SLCO5A1: variants seen among roughly 807,000 people sequenced by gnomAD.
SLCO5A1 encodes solute carrier organic anion transporter family member 5A1.
A neutral mutation model predicts 65.1 loss-of-function variants in SLCO5A1; 39 were observed. That is an observed-to-expected ratio of 0.60 (90% CI 0.46 to 0.78). SLCO5A1 has a LOEUF of 0.78. SLCO5A1 is among the 30% of genes least tolerant of loss of function. SLCO5A1 has a pLI of 0.00. For missense variants in SLCO5A1, 1,029 were observed against 1,069.4 expected (o/e 0.96, Z 0.53); for synonymous variants, 438 against 415.7 (o/e 1.05, Z -0.65).
At chr8:69,829,813 C>T (rs1821083190) in intron 2 of SLCO5A1, among the ~76,000 whole-genome samples, 4 of 152,056 alleles carry the variant, frequency 2.6e-5, no homozygotes, top group Admixed American at 2.6e-4. Context: ...AAAAGAATAC[C>T]CTCATTTTTA....
At chr8:69,784,013 G>A (rs1818909798) in intron 2 of SLCO5A1, among the ~76,000 whole-genome samples, 2 of 152,072 alleles carry the variant, frequency 1.3e-5, no homozygotes, top group South Asian at 4.1e-4. Context: ...GAATACACGG[G>A]AAATCTTTGT....
At chr8:69,785,207 A>G (rs1039310456) in intron 2 of SLCO5A1, among the ~76,000 whole-genome samples, 4 of 152,220 alleles carry the variant, frequency 2.6e-5, no homozygotes, top group Admixed American at 2.6e-4. Flanking sequence ...GCTAGAGAGC[A>G]TCTCAAGTGG....
At chr8:69,688,736 A>G (rs999879362) in intron 6 of SLCO5A1, among the ~76,000 whole-genome samples, 20 of 152,254 alleles carry the variant, frequency 1.3e-4, no homozygotes, top group Non-Finnish European at 2.1e-4. Context: ...CCAGTCTATC[A>G]TTGTTGGACA....
chr8:69,706,653 C>T lies in SLCO5A1; in HGVS notation c.1424-1424G>A, dbSNP rs1018917912. Among the ~76,000 whole-genome samples the T allele has an allele frequency of 4.6e-5, 7 of 152,188 alleles. No individual in the cohort carries two copies. The South Asian group carries it at 6.2e-4, about 14-fold the overall frequency. On this transcript the variant is annotated intron_variant, in intron 5 of 9. Coordinates refer to ENST00000260126, the MANE Select transcript of SLCO5A1 (RefSeq NM_030958.3). Reference sequence around the variant, plus strand: ...AGAAATTGGGCCCTCCTTCACCACACGGGGCCAGGGCCTTGTTGTTGGACT... The same window carrying T: ...AGAAATTGGGCCCTCCTTCACCACATGGGGCCAGGGCCTTGTTGTTGGACT...
chr8:69,767,241 C>A (rs149479327), intron 2 of SLCO5A1, among the ~76,000 whole-genome samples: 2 of 152,156 alleles, frequency 1.3e-5, no homozygotes, highest in Admixed American at 1.3e-4. Flanking sequence ...TCTGAGAGCA[C>A]GCTAAATCAT....
chr8:69,750,364 A>G (rs997016655), intron 4 of SLCO5A1, among the ~76,000 whole-genome samples: 1 of 152,054 alleles, frequency 6.6e-6, no homozygotes, highest in African/African-American at 2.4e-5. Context: ...CCTTCCTGAC[A>G]ATCTGCTCCT....
At chr8:69,715,155 T>C (rs1815452679) in intron 5 of SLCO5A1, among the ~76,000 whole-genome samples, 2 of 152,134 alleles carry the variant, frequency 1.3e-5, no homozygotes, top group Admixed American at 1.3e-4. Context: ...AACGATGAAA[T>C]GCAAAAATCA....
At chr8:69,771,698 A>T (rs1451515427) in intron 2 of SLCO5A1, among the ~76,000 whole-genome samples, 3 of 152,126 alleles carry the variant, frequency 2.0e-5, no homozygotes, top group Non-Finnish European at 2.9e-5. Context: ...GGTCTCTGTC[A>T]CTGCTGCCCC....
At chr8:69,774,932 T>C (rs557551438) in intron 2 of SLCO5A1, among the ~76,000 whole-genome samples, 8 of 152,392 alleles carry the variant, frequency 5.2e-5, no homozygotes, top group African/African-American at 1.9e-4. Flanking sequence ...GAGCACTGTA[T>C]TTAAAGAAAA....
At chr8:69,779,833 T>C (rs80289965) in intron 2 of SLCO5A1, among the ~76,000 whole-genome samples, 2,286 of 152,194 alleles carry the variant, frequency 0.015, 51 homozygotes, top group African/African-American at 0.049. Context: ...AAAGCTTCTG[T>C]ACAGCAAAAG....
chr8:69,695,067 G>A (rs1205082122), intron 6 of SLCO5A1, among the ~76,000 whole-genome samples: 2 of 152,160 alleles, frequency 1.3e-5, no homozygotes, highest in African/African-American at 2.4e-5. Flanking sequence ...AGAAAGGAAG[G>A]GAGTAGAGAT....
intron 6 of SLCO5A1, among the ~76,000 whole-genome samples, chr8:69,703,919 G>A (rs1814854936): frequency 6.6e-6 from 1 of 152,134 alleles, no homozygotes. Flanking sequence ...TATTCTACCT[G>A]TATGATAGAA....
At chr8:69,822,351 A>G (rs1820683957) in intron 2 of SLCO5A1, among the ~76,000 whole-genome samples, 1 of 152,164 alleles carries the variant, frequency 6.6e-6, no homozygotes, top group East Asian at 1.9e-4. Context: ...ATGTTCATAC[A>G]TTAAAGAAAG....
intron 4 of SLCO5A1, among the ~76,000 whole-genome samples, chr8:69,738,708 A>G (rs1462883567): frequency 6.6e-6 from 1 of 152,208 alleles, no homozygotes; most frequent in Non-Finnish European, 1.5e-5. Flanking sequence ...ATTATGAAAC[A>G]GGAAATAGTC....
rs1395753888 is a variant in SLCO5A1 at position 69,700,641 on chromosome 8, C to T, written c.1622+4390G>A. On this transcript the variant is annotated intron_variant, in intron 6 of 9. Transcript: ENST00000260126. ...GAAATACTAGTAATAAAAGGAAGCTCCCAGGAAGGAAAAATACATCTCATA... is the reference window on the plus strand; with the variant it reads ...GAAATACTAGTAATAAAAGGAAGCTTCCAGGAAGGAAAAATACATCTCATA... 5 of 152,004 alleles carry T rather than the reference C, an allele frequency of 3.3e-5. No homozygotes were observed. In the South Asian group the frequency reaches 1.0e-3, roughly 32 times the overall value. The allele number at this position is 152,004 out of a possible 1,614,324, so 9.4% of individuals were successfully genotyped here. A position where few individuals can be genotyped will look rare whatever the true frequency, so the allele number is the denominator to read the frequency against.
chr8:69,817,668 C>T (rs536008070), intron 2 of SLCO5A1, among the ~76,000 whole-genome samples: 3 of 152,318 alleles, frequency 2.0e-5, no homozygotes, highest in Non-Finnish European at 4.4e-5. Context: ...CTCTAGGAAA[C>T]ATCTTGGCTT....
intron 4 of SLCO5A1, among the ~76,000 whole-genome samples, chr8:69,741,607 T>G (rs1816790548): frequency 6.6e-6 from 1 of 152,204 alleles, no homozygotes; most frequent in Admixed American, 6.5e-5. Context: ...TGAAGGAACC[T>G]GGCAAATACT....
At chr8:69,676,801 AT>A in intron 8 of SLCO5A1, 128 bp from the exon 9 acceptor site, 2 of 639,500 alleles carry the variant, frequency 3.1e-6, no homozygotes, top group Non-Finnish European at 5.3e-6. Context: ...ATTCACTATT[AT>A]TTACTAACAA....
At chr8:69,724,481 T>C (rs972107436) in intron 5 of SLCO5A1, among the ~76,000 whole-genome samples, 1 of 152,164 alleles carries the variant, frequency 6.6e-6, no homozygotes, top group African/African-American at 2.4e-5. Flanking sequence ...AATTAACTAT[T>C]AGCCTGAAAT....
Sources: allele counts gnomAD v4.1 joint callset (sites outside exome capture counted in the v4.1 genomes callset), GRCh38; gene constraint gnomAD v4.1.1; transcripts MANE v1.5; gene names NCBI Gene and HGNC (gene_info 2026-07-23, HGNC 2026-07-21).